MCM10: variants seen among roughly 807,000 people sequenced by gnomAD.
The protein encoded by MCM10 is protein MCM10 homolog.
A neutral mutation model predicts 109.9 loss-of-function variants in MCM10; 91 were observed. The ratio of observed to expected loss-of-function variants is 0.83; its 90% CI spans 0.70 to 0.99. The LOEUF (loss-of-function observed/expected upper bound fraction) is 0.99. Among genes scored for constraint, MCM10 ranks in the 50% least tolerant of loss-of-function variants. The probability of loss-of-function intolerance (pLI) is 0.00; values close to 1 mark genes in which losing one functional copy is unlikely to be tolerated. For synonymous variants in MCM10, 380 were observed against 387.2 expected (o/e 0.98, Z 0.22); for missense variants, 1,077 against 1,061.2 (o/e 1.01, Z -0.21).
rs138173457 is a variant in MCM10 at position 13,209,300 on chromosome 10, G to A, written c.2615G>A (p.Ser872Asn). 19 of 1,613,334 alleles carry A rather than the reference G, an allele frequency of 1.2e-5. No homozygotes were observed. In the African/African-American group the frequency reaches 2.5e-4, roughly 22 times the overall value. Residue 872 changes from serine to asparagine, a missense_variant, in exon 20 of 20, where the codon AGC becomes AAC. Coordinates refer to ENST00000378714, the MANE Select transcript of MCM10 (RefSeq NM_018518.5). The part of the protein sequence containing the change: ...RGEEHAKFLN[S>N]LK ...GAAGAACATGCTAAATTTCTGAACA[G>A]CCTTAAATAACCCGAACTTCAGACA...
In MCM10 at chr10:13,175,722, GC is replaced by G. The variant is rs760309809; in HGVS notation, c.764+42del. ...ATCTATTCATGTGCGCCACGGCATA[GC>G]TTTTTGTGCCTCTCGGAGTCCTTTA... On this transcript the variant is annotated intron_variant, in intron 6 of 19. Coordinates refer to ENST00000378714, the MANE Select transcript of MCM10 (RefSeq NM_018518.5). The G allele has an allele frequency of 2.8e-6, 4 of 1,419,048 alleles. No individual in the cohort carries two copies. The South Asian group carries it at 5.2e-5, about 19-fold the overall frequency. The allele number at this position is 1,419,048 out of a possible 1,614,324, so 87.9% of individuals were successfully genotyped here. A position where few individuals can be genotyped will look rare whatever the true frequency, so the allele number is the denominator to read the frequency against.
chr10:13,198,750 T>C lies in MCM10; in HGVS notation c.2181T>C (p.Ser727=). ...KRREQLAYLE[S]EEFQKILKAK... is the part of the protein sequence containing the mutation. ...GAGAACAACTTGCCTATCTGGAATC[T>C]GAGGAATTTCAGAAAATCCTAAAAG... Residue 727 remains serine, a synonymous_variant, in exon 16 of 20, where the codon TCT becomes TCC. Coordinates refer to ENST00000378714, the MANE Select transcript of MCM10 (RefSeq NM_018518.5). 2.5e-6 allele frequency: 4 copies of C among 1,613,976 alleles called. No individual in the cohort carries two copies. The highest frequency in any genetic ancestry group is 1.3e-5 in the African/African-American group (1 of 75,044).
intron 9 of MCM10, among the ~76,000 whole-genome samples, chr10:13,188,342 T>A (rs1489158198): frequency 6.6e-6 from 1 of 152,192 alleles, no homozygotes; most frequent in Non-Finnish European, 1.5e-5. Context: ...ATACAGTTAA[T>A]CATTTTAAAA....
At position 13,172,780 on chromosome 10, in the gene MCM10, G is replaced by T; in HGVS notation, c.592+15G>T. ...TTCACCTCCAGGTGTAGTACTTGCG[G>T]TCTCAGTATCTTGGCACTATTGTAT... On this transcript the variant is annotated intron_variant, in intron 5 of 19. Coordinates refer to ENST00000378714, the MANE Select transcript of MCM10 (RefSeq NM_018518.5). This position sits in a 1 kb window ranked among gnomAD's most constrained non-coding sequence, Gnocchi z 5.2. The T allele has an allele frequency of 6.2e-7, 1 of 1,613,582 alleles. No homozygotes were observed. The highest frequency in any genetic ancestry group is 8.5e-7 in the Non-Finnish European group (1 of 1,179,850).
At chr10:13,179,695 A>C (rs1318707298) in intron 6 of MCM10, among the ~76,000 whole-genome samples, 6 of 152,216 alleles carry the variant, frequency 3.9e-5, no homozygotes, top group African/African-American at 1.2e-4. Flanking sequence ...AGCTACATTC[A>C]AAAGCCTTTA....
chr10:13,173,531 C>T (rs576670207), intron 5 of MCM10, among the ~76,000 whole-genome samples: 1 of 152,240 alleles, frequency 6.6e-6, no homozygotes, highest in African/African-American at 2.4e-5. Context: ...CTATGTATTG[C>T]TTTTCTTTTA....
At chr10:13,183,907 G>A (rs570525260) in intron 8 of MCM10, among the ~76,000 whole-genome samples, 1 of 152,220 alleles carries the variant, frequency 6.6e-6, no homozygotes, top group East Asian at 1.9e-4. Context: ...TGCCTAGGCT[G>A]GAGTGCAATG....
In MCM10 at chr10:13,209,135, T is replaced by C; in HGVS notation, c.2541+2T>C. On this transcript the variant is annotated splice_donor_variant, in intron 19 of 19. Coordinates refer to ENST00000378714, the MANE Select transcript of MCM10 (RefSeq NM_018518.5). LOFTEE classifies it high-confidence loss of function. ...TGGGAACGGGACGGAATGCTAAAGG[T>C]ATGCCATTTGCGTACTAATTTTTGA... 6.2e-7 allele frequency: 1 copy of C among 1,611,274 alleles called. No individual in the cohort carries two copies. Among genetic ancestry groups the C allele is most frequent in the Non-Finnish European group, 8.5e-7 (1 of 1,177,342 alleles).
At chr10:13,208,566 CAAAAAAA>C (rs55683228) in intron 18 of MCM10, among the ~76,000 whole-genome samples, 1 of 114,454 alleles carries the variant, frequency 8.7e-6, no homozygotes. Flanking sequence ...CCCATCTCTC[CAAAAAAA>C]AAAAAAAAAG....
intron 2 of MCM10, among the ~76,000 whole-genome samples, chr10:13,169,894 C>T (rs765038005): frequency 6.6e-6 from 1 of 152,008 alleles, no homozygotes; most frequent in East Asian, 1.9e-4. Context: ...TTAGTAGAGA[C>T]GGGGTTTCAC....
rs571056321 is a variant in MCM10, at chr10:13,209,402, T to C, written c.*92T>C. ...CTGTGTATTGTCCATTGATTCCTGA[T>C]TGACGCCGTCAAAAACAAATGCTTG... is the stretch of plus-strand genomic sequence containing the variant. On this transcript the variant is annotated 3_prime_UTR_variant, in exon 20 of 20. Coordinates refer to ENST00000378714, the MANE Select transcript of MCM10 (RefSeq NM_018518.5). 12 of 985,018 alleles carry C rather than the reference T, an allele frequency of 1.2e-5. No individual in the cohort carries two copies. Among genetic ancestry groups the C allele is most frequent in the South Asian group, 5.8e-5 (4 of 69,158 alleles). 61.0% of individuals were successfully genotyped at this position (985,018 alleles called of 1,614,324 possible).
chr10:13,192,549 T>C lies in MCM10; in HGVS notation c.1726T>C (p.Ser576Pro). The C allele has an allele frequency of 6.2e-7, 1 of 1,614,082 alleles. No homozygotes were observed. The highest frequency in any genetic ancestry group is 8.5e-7 in the Non-Finnish European group (1 of 1,179,982). Residue 576 changes from serine to proline, a missense_variant, in exon 13 of 20, where the codon TCA (serine) becomes CCA (proline). Transcript: ENST00000378714. ...QRMLEMRRRK[S>P]EEIQKRFLQS... ...GATGTTGGAGATGAGGAGAAGGAAA[T>C]CAGAAGAAATACAGAAGCGGTAAGA...
At chr10:13,171,491 G>A (rs1564381505) in intron 3 of MCM10, among the ~76,000 whole-genome samples, 1 of 152,216 alleles carries the variant, frequency 6.6e-6, no homozygotes, top group Non-Finnish European at 1.5e-5. Context: ...ACTTGATCCT[G>A]TACGGAATGG....
chr10:13,179,306 G>A (rs538144655), intron 6 of MCM10, among the ~76,000 whole-genome samples: 24 of 152,202 alleles, frequency 1.6e-4, no homozygotes, highest in African/African-American at 5.8e-4. Context: ...AGAATGGTTG[G>A]GTTCTTAGGG....
At chr10:13,206,242 G>A (rs779670515) in intron 18 of MCM10, among the ~76,000 whole-genome samples, 5 of 152,062 alleles carry the variant, frequency 3.3e-5, no homozygotes, top group South Asian at 2.1e-4. Flanking sequence ...TATGTTCCTC[G>A]GCTTCCTAAC....
Position 13,171,142 on chromosome 10 carries a change from T to C in MCM10, c.228T>C (p.Thr76=). Residue 76 remains threonine, a synonymous_variant, in exon 3 of 20, where the codon ACT becomes ACC. Transcript: ENST00000378714. ...ETRDEKENLA[T]LFGDMEDLTD... Reference sequence around the variant, plus strand: ...GAGACGAAAAGGAAAATCTGGCCACTCTCTTTGGAGATATGGAGGACTTAA... The same window carrying C: ...GAGACGAAAAGGAAAATCTGGCCACCCTCTTTGGAGATATGGAGGACTTAA... 1 of 1,614,146 alleles carries C rather than the reference T, an allele frequency of 6.2e-7. No homozygotes were observed. Among genetic ancestry groups the C allele is most frequent in the South Asian group, 1.1e-5 (1 of 91,080 alleles).
intron 13 of MCM10, among the ~76,000 whole-genome samples, chr10:13,193,191 G>A (rs1368686835): frequency 6.6e-6 from 1 of 152,012 alleles, no homozygotes; most frequent in African/African-American, 2.4e-5. Flanking sequence ...GGCAGAGCCA[G>A]TGAGTAGAAT....
At chr10:13,187,259 C>T (rs1239933707) in intron 9 of MCM10, among the ~76,000 whole-genome samples, 3 of 152,184 alleles carry the variant, frequency 2.0e-5, no homozygotes, top group African/African-American at 4.8e-5. Context: ...GCTTCTTTTG[C>T]TTAGCATAAT....
At chr10:13,165,055 C>T (rs764884622) in intron 2 of MCM10, among the ~76,000 whole-genome samples, 7 of 152,206 alleles carry the variant, frequency 4.6e-5, no homozygotes, top group Non-Finnish European at 1.0e-4. Context: ...ACAGTGGACC[C>T]CCGTTGTCCC....
Sources: allele counts gnomAD v4.1 joint callset (sites outside exome capture counted in the v4.1 genomes callset), GRCh38; gene constraint gnomAD v4.1.1; non-coding constraint Gnocchi (gnomAD v3.1); transcripts MANE v1.5; gene names NCBI Gene and HGNC (gene_info 2026-07-23, HGNC 2026-07-21).